Variants in STK26 observed in about 807,000 individuals in gnomAD.
STK26 encodes serine/threonine-protein kinase 26.
STK26 carries 14 observed loss-of-function variants against 34.7 expected under a neutral mutation model. The ratio of observed to expected loss-of-function variants is 0.40; its 90% confidence interval spans 0.27 to 0.63. The LOEUF (loss-of-function observed/expected upper bound fraction) is 0.63, where lower values mean the gene tolerates loss of function less well. STK26 is among the 30% of genes least tolerant of loss of function. STK26 has a pLI of 0.38. For synonymous variants in STK26, 100 were observed against 109.8 expected, an observed-to-expected ratio of 0.91 and a Z score of 0.56; for missense variants, 226 against 309.1, an observed-to-expected ratio of 0.73 and a Z score of 2.02.
At chrX:132,057,672 T>A (rs1324757043) in intron 3 of STK26, among the ~76,000 whole-genome samples, 1 of 111,909 alleles carries the variant, frequency 8.9e-6, no homozygotes, top group Non-Finnish European at 1.9e-5. Context: ...AATACTGATA[T>A]AGAAATTTAT....
chrX:132,067,851 T>C (rs1191786508), intron 4 of STK26, among the ~76,000 whole-genome samples: 1 of 111,593 alleles, frequency 9.0e-6, no homozygotes, highest in Non-Finnish European at 1.9e-5. Flanking sequence ...AAGTAGCTGA[T>C]TTCTCTTTTT....
intron 2 of STK26, among the ~76,000 whole-genome samples, chrX:132,050,526 TC>T (rs1315936563): frequency 1.8e-5 from 2 of 111,506 alleles, no homozygotes; most frequent in African/African-American, 6.5e-5. Context: ...AAGTCAGCCT[TC>T]CCTATACATG....
intron 2 of STK26, among the ~76,000 whole-genome samples, chrX:132,045,455 T>C (rs1448493825): frequency 8.9e-6 from 1 of 111,905 alleles, no homozygotes. Context: ...GTAAGGGATT[T>C]AAAGATTGAA....
intron 2 of STK26, among the ~76,000 whole-genome samples, chrX:132,036,212 A>G (rs1336018555): frequency 3.6e-5 from 4 of 112,531 alleles, no homozygotes; most frequent in Non-Finnish European, 7.5e-5. Context: ...TCTAAAATGA[A>G]CACACAACCA....
At chrX:132,029,609 A>T (rs1174292362) in intron 2 of STK26, among the ~76,000 whole-genome samples, 1 of 110,851 alleles carries the variant, frequency 9.0e-6, no homozygotes. Context: ...ACTTTCTGTT[A>T]TATGGCTCCT....
chrX:132,065,143 C>T (rs1425454459), intron 4 of STK26, among the ~76,000 whole-genome samples: 1 of 111,603 alleles, frequency 9.0e-6, no homozygotes, highest in African/African-American at 3.3e-5. Context: ...TTTCTCTCGT[C>T]TCTAGTGAGA....
Position 132,054,734 on chromosome X carries a change from T to C in STK26, c.146T>C (p.Val49Ala). The C allele has an allele frequency of 1.7e-6, 2 of 1,211,026 alleles. No homozygotes were observed. Among genetic ancestry groups the C allele is most frequent in the Non-Finnish European group, 2.2e-6 (2 of 894,998 alleles). ...GGAATTGATAACCGTACCCAGCAAG[T>C]CGTTGCTATTAAAATCATAGACCTT... ...FKGIDNRTQQVVAIKIIDLEE... is the reference protein window; with the variant it reads ...FKGIDNRTQQAVAIKIIDLEE... Residue 49 changes from valine to alanine, a missense_variant, in exon 3 of 12, where the codon GTC becomes GCC. Val to Ala is a moderately conservative substitution (Grantham distance 64). Around this residue, in one of 2 missense-constraint regions of STK26, gnomAD observed 100 missense variants for 176.7 expected, o/e 0.57. Coordinates refer to ENST00000394334, the MANE Select transcript of STK26 (RefSeq NM_016542.4).
At chrX:132,039,257 A>T (rs765704477) in intron 2 of STK26, among the ~76,000 whole-genome samples, 4 of 111,792 alleles carry the variant, frequency 3.6e-5, no homozygotes, top group Admixed American at 2.9e-4. Context: ...ATTTTTAAAA[A>T]ATTTCTTTAA....
At position 132,074,417 on chromosome X, in the gene STK26, T is replaced by G; in HGVS notation, c.*258T>G. On this transcript the variant is annotated 3_prime_UTR_variant, in exon 12 of 12. Transcript: ENST00000394334. ...AAATGTTGAGACACCGTTTTGCTTT[T>G]AAGTATCCCTATTTCTTAAGTTACG... The G allele has an allele frequency of 3.6e-6, 1 of 276,884 alleles. No homozygotes were observed. The highest frequency in any genetic ancestry group is 6.4e-6 in the Non-Finnish European group (1 of 155,863). The allele number at this position is 276,884 out of a possible 1,213,427, so 22.8% of individuals were successfully genotyped here.
intron 7 of STK26, among the ~76,000 whole-genome samples, chrX:132,069,943 G>GTTAAC (rs1927362099): frequency 9.0e-6 from 1 of 111,095 alleles, no homozygotes; most frequent in South Asian, 3.8e-4. Flanking sequence ...GAGAAATAAA[G>GTTAAC]TTAACTTTAT....
chrX:132,063,044 A>G (rs983805257), intron 3 of STK26, among the ~76,000 whole-genome samples: 9 of 111,753 alleles, frequency 8.1e-5, no homozygotes, highest in Non-Finnish European at 1.5e-4. Context: ...CATATAATGT[A>G]TAATGATCAC....
intron 2 of STK26, among the ~76,000 whole-genome samples, chrX:132,034,590 G>C (rs1925977985): frequency 9.0e-6 from 1 of 111,386 alleles, no homozygotes; most frequent in Non-Finnish European, 1.9e-5. Flanking sequence ...CACCGCGCCC[G>C]GCCAGGAGAC....
At chrX:132,047,749 TG>T (rs1296873445) in intron 2 of STK26, among the ~76,000 whole-genome samples, 1 of 112,051 alleles carries the variant, frequency 8.9e-6, no homozygotes, top group African/African-American at 3.2e-5. Context: ...TGCATACATA[TG>T]AGGGCCAATC....
Position 132,070,135 on chromosome X carries a change from G to A in STK26, c.783+472G>A, listed in dbSNP as rs1289860486. Among the ~76,000 whole-genome samples, 5 of 109,691 alleles carry A rather than the reference G, an allele frequency of 4.6e-5. No homozygotes were observed. The East Asian group carries it at 1.4e-3, about 32-fold the overall frequency. ...CTCACTGCAACCTCCAGGTTCAAGCGATTCTCCTGCCTCAGCCTCCCAAGT... is the reference window on the plus strand; with the variant it reads ...CTCACTGCAACCTCCAGGTTCAAGCAATTCTCCTGCCTCAGCCTCCCAAGT... On this transcript the variant is annotated intron_variant, in intron 7 of 11. Coordinates refer to ENST00000394334, the MANE Select transcript of STK26 (RefSeq NM_016542.4).
intron 6 of STK26, among the ~76,000 whole-genome samples, 171 bp from the exon 7 acceptor site, chrX:132,069,307 C>A (rs1159435687): frequency 9.7e-6 from 1 of 103,355 alleles, no homozygotes; most frequent in Non-Finnish European, 2.0e-5. Context: ...TTTATTAACA[C>A]CACATTTTCT....
intron 4 of STK26, among the ~76,000 whole-genome samples, chrX:132,066,697 T>C (rs1191424802): frequency 1.8e-5 from 2 of 112,240 alleles, no homozygotes; most frequent in Non-Finnish European, 3.8e-5. Flanking sequence ...GGATCCCCTT[T>C]TTGTTGTTTT....
At chrX:132,051,021 A>G (rs1439833476) in intron 2 of STK26, among the ~76,000 whole-genome samples, 1 of 111,785 alleles carries the variant, frequency 8.9e-6, no homozygotes, top group Non-Finnish European at 1.9e-5. Context: ...ACATTTTAAA[A>G]GTGATATAGG....
At chrX:132,051,089 C>A (rs1407332960) in intron 2 of STK26, among the ~76,000 whole-genome samples, 1 of 111,816 alleles carries the variant, frequency 8.9e-6, no homozygotes. Flanking sequence ...AGAGTTCTTT[C>A]AGCTGTCTGT....
At chrX:132,042,796 A>G (rs998612976) in intron 2 of STK26, among the ~76,000 whole-genome samples, 2 of 111,520 alleles carry the variant, frequency 1.8e-5, no homozygotes, top group African/African-American at 6.5e-5. Context: ...TATTGATGCC[A>G]TCATGCCATC....
Sources: allele counts gnomAD v4.1 joint callset (sites outside exome capture counted in the v4.1 genomes callset), GRCh38; gene constraint gnomAD v4.1.1; regional missense constraint gnomAD v4.1.1; transcripts MANE v1.5; gene names NCBI Gene and HGNC (gene_info 2026-07-23, HGNC 2026-07-21).